LRP1B: variants seen among roughly 807,000 people sequenced by gnomAD.
LRP1B encodes low-density lipoprotein receptor-related protein 1B.
LRP1B carries 217 observed loss-of-function variants against 556.6 expected under a neutral mutation model. The observed-to-expected ratio is 0.39, with a 90% CI of 0.35 to 0.44. LRP1B has a LOEUF of 0.44. LRP1B is among the 20% of genes least tolerant of loss of function. The pLI is 1.00. For synonymous variants in LRP1B, 2,047 were observed against 1,865.8 expected (o/e 1.10, Z -2.50); for missense variants, 5,053 against 5,620.8 (o/e 0.90, Z 3.23).
rs888305639 is a variant in LRP1B at position 140,534,031 on chromosome 2, T to C, written c.7752A>G (p.Leu2584=). ...ENDCGDNSDE[L]DCKVSTCATV... ...GGAACAAGTATTTACCTTTACAATC[T>C]AATTCATCAGAGTTGTCTCCGCAGT... is the stretch of plus-strand genomic sequence containing the variant. The change falls in exon 47 of 91, where the codon TTA becomes TTG. Residue 2584 remains leucine (L), a synonymous_variant. Coordinates refer to ENST00000389484, the MANE Select transcript of LRP1B (RefSeq NM_018557.3). 1.1e-5 allele frequency: 17 copies of C among 1,613,410 alleles called. No individual in the cohort carries two copies. Among genetic ancestry groups the C allele is most frequent in the Non-Finnish European group, 1.4e-5 (17 of 1,179,636 alleles).
chr2:141,403,703 T>C (rs1438398579), intron 3 of LRP1B, among the ~76,000 whole-genome samples: 1 of 152,182 alleles, frequency 6.6e-6, no homozygotes, highest in Non-Finnish European at 1.5e-5. Flanking sequence ...TGAAAATTAC[T>C]AATTCCAGTA....
intron 1 of LRP1B, among the ~76,000 whole-genome samples, chr2:141,861,549 T>C (rs1698239617): frequency 6.6e-6 from 1 of 152,146 alleles, no homozygotes; most frequent in Non-Finnish European, 1.5e-5. Context: ...ACTCAAAAAT[T>C]GCCAAGAAAA....
At chr2:140,564,813 T>C (rs1032268965) in intron 43 of LRP1B, among the ~76,000 whole-genome samples, 1 of 152,138 alleles carries the variant, frequency 6.6e-6, no homozygotes, top group Non-Finnish European at 1.5e-5. Context: ...AGAAGCTCTT[T>C]GTTATAAAAG....
chr2:141,242,124 C>G (rs1438599803), intron 5 of LRP1B, among the ~76,000 whole-genome samples: 1 of 151,864 alleles, frequency 6.6e-6, no homozygotes, highest in Non-Finnish European at 1.5e-5. Context: ...TAATAAAAGG[C>G]CAGGGAATAG....
chr2:140,341,237 T>C (rs778493894), intron 77 of LRP1B, among the ~76,000 whole-genome samples: 3 of 151,646 alleles, frequency 2.0e-5, no homozygotes, highest in Non-Finnish European at 4.4e-5. Context: ...ATATAGGAAA[T>C]GCTGAGTTTC....
Position 140,721,795 on chromosome 2 carries a change from G to A in LRP1B, c.5759-4979C>T, listed in dbSNP as rs375056101. Among the ~76,000 whole-genome samples the A allele has an allele frequency of 4.7e-5, 7 of 150,460 alleles. 1 individual carries two copies. The highest frequency in any genetic ancestry group is 1.7e-4 in the African/African-American group (7 of 40,986). ...GATGGTCTCGATCTCCTGACCTCGT[G>A]ATCCGTCCACCTCGGCTTTTGACAT... On this transcript the variant is annotated intron_variant, in intron 35 of 90. Coordinates refer to ENST00000389484, the MANE Select transcript of LRP1B (RefSeq NM_018557.3).
chr2:140,358,733 A>C, intron 73 of LRP1B, 88 bp downstream of exon 73: 1 of 1,401,450 alleles, frequency 7.1e-7, no homozygotes, highest in Non-Finnish European at 9.9e-7. Flanking sequence ...TGTCCACATA[A>C]GAAATGTATT....
chr2:141,124,777 G>A (rs970589205), intron 7 of LRP1B, among the ~76,000 whole-genome samples: 9 of 151,608 alleles, frequency 5.9e-5, no homozygotes, highest in Admixed American at 2.6e-4. Flanking sequence ...ACATTTAAAA[G>A]CAGCTTTGTT....
chr2:141,316,100 T>A (rs569488142), intron 3 of LRP1B, among the ~76,000 whole-genome samples: 1 of 152,138 alleles, frequency 6.6e-6, no homozygotes, highest in Non-Finnish European at 1.5e-5. Context: ...GGCAGAAGAA[T>A]CACCTCCCAG....
chr2:142,064,737 C>T (rs55736029), intron 1 of LRP1B, among the ~76,000 whole-genome samples: 1 of 151,530 alleles, frequency 6.6e-6, no homozygotes, highest in East Asian at 1.9e-4. Context: ...CATGAATATA[C>T]ACTAAAACTA....
chr2:141,228,561 C>A (rs566659476), intron 6 of LRP1B, among the ~76,000 whole-genome samples: 2 of 142,200 alleles, frequency 1.4e-5, no homozygotes, highest in Admixed American at 7.3e-5. Context: ...ATGTGTGCAT[C>A]CCTGGGTGTC....
chr2:140,414,882 G>A (rs904528291), intron 66 of LRP1B, among the ~76,000 whole-genome samples: 8 of 152,146 alleles, frequency 5.3e-5, no homozygotes, highest in Admixed American at 2.0e-4. Flanking sequence ...CAGGCAAAAA[G>A]AGCCATATTT....
intron 3 of LRP1B, among the ~76,000 whole-genome samples, chr2:141,311,445 G>C (rs7597412): frequency 0.29 from 44,030 of 151,948 alleles, 7,289 homozygotes; most frequent in Middle Eastern, 0.51. Context: ...TTAGTGAGCT[G>C]GGTTTTTTTC....
At chr2:140,880,188 A>C (rs2105179889) in intron 25 of LRP1B, among the ~76,000 whole-genome samples, 1 of 152,258 alleles carries the variant, frequency 6.6e-6, no homozygotes, top group African/African-American at 2.4e-5. Context: ...TTATTATGAC[A>C]AAGGAAAACT....
At chr2:140,514,865 A>G (rs1689822935) in intron 50 of LRP1B, 93 bp from the exon 51 acceptor site, 1 of 1,177,960 alleles carries the variant, frequency 8.5e-7, no homozygotes, top group South Asian at 2.2e-5. Context: ...ACTTTGCTAA[A>G]ATCAACAATC....
chr2:141,682,980 G>C (rs1024766544), intron 2 of LRP1B, among the ~76,000 whole-genome samples: 1 of 152,080 alleles, frequency 6.6e-6, no homozygotes, highest in East Asian at 1.9e-4. Context: ...GCTCTTGCTG[G>C]TCTTTGCATC....
At chr2:141,632,977 T>C (rs778751976) in intron 2 of LRP1B, among the ~76,000 whole-genome samples, 2 of 152,108 alleles carry the variant, frequency 1.3e-5, no homozygotes, top group Non-Finnish European at 2.9e-5. Flanking sequence ...TCCAAATATG[T>C]TCTGGATTTA....
intron 5 of LRP1B, among the ~76,000 whole-genome samples, chr2:141,230,987 G>A (rs1320588621): frequency 6.6e-6 from 1 of 152,102 alleles, no homozygotes; most frequent in African/African-American, 2.4e-5. Flanking sequence ...CCGATTTTCT[G>A]AATAAATAAA....
At chr2:140,998,042 T>C (rs867218768) in intron 15 of LRP1B, among the ~76,000 whole-genome samples, 3 of 152,010 alleles carry the variant, frequency 2.0e-5, no homozygotes, top group African/African-American at 7.2e-5. Flanking sequence ...ACACATTAGA[T>C]TGCATATATC....
Sources: gnomAD v4.1 joint callset for allele counts (sites outside exome capture counted in the v4.1 genomes callset) on GRCh38, gnomAD v4.1.1 for gene constraint, MANE v1.5 for transcripts, NCBI Gene and HGNC (gene_info 2026-07-23, HGNC 2026-07-21) for gene names.